The following SEMA3A variants were observed in gnomAD, a reference collection of about 807,000 sequenced individuals.
SEMA3A encodes the protein semaphorin-3A.
In SEMA3A, 29 loss-of-function variants were observed where a neutral mutation model predicts 97.9. The ratio of observed to expected loss-of-function variants is 0.30; its 90% CI spans 0.22 to 0.40. SEMA3A has a LOEUF of 0.40. Among genes scored for constraint, SEMA3A ranks in the 10% least tolerant of loss-of-function variants. SEMA3A has a pLI of 1.00. For synonymous variants in SEMA3A, 321 were observed against 323.7 expected, an observed-to-expected ratio of 0.99 and a Z score of 0.09; for missense variants, 763 against 951.3, an observed-to-expected ratio of 0.80 and a Z score of 2.60.
chr7:84,482,111 A>G (rs1806461840), intron 1 of SEMA3A, among the ~76,000 whole-genome samples: 5 of 148,100 alleles, frequency 3.4e-5, no homozygotes, highest in Admixed American at 1.4e-4. Flanking sequence ...AATTAGGCAA[A>G]ATATCAAATT....
intron 1 of SEMA3A, among the ~76,000 whole-genome samples, chr7:84,487,130 G>A (rs911544899): frequency 6.6e-6 from 1 of 152,098 alleles, no homozygotes; most frequent in African/African-American, 2.4e-5. Flanking sequence ...TTAAAAAAAT[G>A]GGTATTTTAA....
rs1219667656 is a variant in SEMA3A, at chr7:83,958,710, A to G, written c.*2661T>C. 1 of 152,512 alleles carries G rather than the reference A, an allele frequency of 6.6e-6. No individual in the cohort carries two copies. Among genetic ancestry groups the G allele is most frequent in the Non-Finnish European group, 1.5e-5 (1 of 67,958 alleles). The allele number at this position is 152,512 out of a possible 1,614,324, so 9.4% of individuals were successfully genotyped here. A position where few individuals can be genotyped will look rare whatever the true frequency, so the allele number is the denominator to read the frequency against. Reference sequence around the variant, plus strand: ...CTAATGTGTAGGTAGCAAAAATATTAAACACATACCACTGCAAATTACTAA... The same window carrying G: ...CTAATGTGTAGGTAGCAAAAATATTGAACACATACCACTGCAAATTACTAA... On this transcript the variant is annotated 3_prime_UTR_variant, in exon 17 of 17. Transcript: ENST00000265362.
rs538416732 is a variant in SEMA3A, at chr7:84,003,857, T to A, written c.1360+1482A>T. On this transcript the variant is annotated intron_variant, in intron 11 of 16. Coordinates refer to ENST00000265362, the MANE Select transcript of SEMA3A (RefSeq NM_006080.3). ...ACCAGAAATTGATACTTGCAATTCA[T>A]TGCCTTTATGAAACCCTGGGTCTGC... Among the ~76,000 whole-genome samples the A allele has an allele frequency of 1.3e-4, 4 of 31,392 alleles. No homozygotes were observed. In the Admixed American group the frequency reaches 1.4e-3, roughly 11 times the overall value. 20.6% of individuals were successfully genotyped at this position (31,392 alleles called of 152,430 possible).
intron 1 of SEMA3A, among the ~76,000 whole-genome samples, chr7:84,381,718 T>C (rs1447297496): frequency 6.6e-6 from 1 of 152,176 alleles, no homozygotes; most frequent in East Asian, 1.9e-4. Context: ...TAGTCTTTTT[T>C]GTCCAAGCCC....
intron 3 of SEMA3A, among the ~76,000 whole-genome samples, chr7:84,285,799 A>G (rs2214503): frequency 0.71 from 107,389 of 151,506 alleles, 38,261 homozygotes; most frequent in East Asian, 0.79. Flanking sequence ...ACATTAGTGG[A>G]CATGGTGGTG....
intron 12 of SEMA3A, among the ~76,000 whole-genome samples, chr7:83,988,963 CTT>C (rs71522686): frequency 1.4e-5 from 2 of 142,662 alleles, no homozygotes; most frequent in East Asian, 2.1e-4. Flanking sequence ...CGATATTCAG[CTT>C]TTTTAAAAAA....
At chr7:84,192,031 CA>C (rs1339638712) in intron 1 of SEMA3A, among the ~76,000 whole-genome samples, 6 of 151,956 alleles carry the variant, frequency 3.9e-5, no homozygotes, top group Non-Finnish European at 8.8e-5. Flanking sequence ...CAGTGATTGC[CA>C]GAAACTTCAT....
At chr7:84,426,309 TA>T (rs1804828483) in intron 1 of SEMA3A, among the ~76,000 whole-genome samples, 1 of 151,662 alleles carries the variant, frequency 6.6e-6, no homozygotes, top group African/African-American at 2.4e-5. Flanking sequence ...GATAGATAGA[TA>T]GATAGATAGA....
intron 13 of SEMA3A, among the ~76,000 whole-genome samples, chr7:83,983,232 T>A (rs1789497591): frequency 1.3e-5 from 2 of 151,886 alleles, no homozygotes; most frequent in African/African-American, 4.8e-5. Context: ...TTTCTTTCTT[T>A]CTTTCTTTTC....
At chr7:84,365,302 T>G (rs1802819383) in intron 2 of SEMA3A, among the ~76,000 whole-genome samples, 1 of 151,618 alleles carries the variant, frequency 6.6e-6, no homozygotes, top group South Asian at 2.1e-4. Context: ...TTGGAACCAA[T>G]AAAAGATGTT....
At chr7:84,351,670 A>T (rs1438523520) in intron 2 of SEMA3A, among the ~76,000 whole-genome samples, 1 of 152,106 alleles carries the variant, frequency 6.6e-6, no homozygotes, top group Admixed American at 6.6e-5. Context: ...CTAAAATAGG[A>T]TATCATCTCA....
intron 3 of SEMA3A, chr7:84,306,636 T>A (rs2115846377): frequency 6.6e-6 from 1 of 152,142 alleles, no homozygotes; most frequent in East Asian, 1.9e-4. Context: ...AGCATTAAAA[T>A]AAGTAATACA....
intron 1 of SEMA3A, among the ~76,000 whole-genome samples, chr7:84,181,788 A>AT (rs1453513228): frequency 6.6e-6 from 1 of 152,196 alleles, no homozygotes. Context: ...TCACCTTCAC[A>AT]TATCATTTAC....
chr7:84,337,910 TAGG>T (rs1478885944), intron 2 of SEMA3A, among the ~76,000 whole-genome samples: 1 of 152,070 alleles, frequency 6.6e-6, no homozygotes, highest in Admixed American at 6.6e-5. Flanking sequence ...GTGCTATATC[TAGG>T]AGGAGAACAT....
rs1379814722 is a variant in SEMA3A, at chr7:83,960,761, G to A, written c.*610C>T. On this transcript the variant is annotated 3_prime_UTR_variant, in exon 17 of 17. Transcript: ENST00000265362. ...TAAAATACATCTTTAGATCAAAGCT[G>A]AAAGAAGACATCAGTAGTAGATCAG... 1.3e-5 allele frequency: 2 copies of A among 151,372 alleles called. No individual in the cohort carries two copies. The highest frequency in any genetic ancestry group is 2.4e-5 in the African/African-American group (1 of 41,112). 9.4% of individuals were successfully genotyped at this position (151,372 alleles called of 1,614,324 possible).
intron 1 of SEMA3A, among the ~76,000 whole-genome samples, chr7:84,427,930 G>A (rs1804871694): frequency 6.6e-6 from 1 of 151,868 alleles, no homozygotes; most frequent in South Asian, 2.1e-4. Context: ...TGATATAGTA[G>A]GTCTATATCC....
intron 3 of SEMA3A, among the ~76,000 whole-genome samples, chr7:84,299,059 AC>A (rs1256337429): frequency 2.0e-5 from 3 of 151,850 alleles, no homozygotes; most frequent in Non-Finnish European, 4.4e-5. Context: ...TCAGCTACAG[AC>A]TGAAGGTTGC....
chr7:84,100,639 G>A (rs1794933254), intron 4 of SEMA3A, among the ~76,000 whole-genome samples: 1 of 152,058 alleles, frequency 6.6e-6, no homozygotes, highest in Non-Finnish European at 1.5e-5. Context: ...AGCCCTTTGA[G>A]GGATGATATT....
chr7:84,051,016 T>A (rs1272039245), intron 5 of SEMA3A, among the ~76,000 whole-genome samples: 1 of 152,046 alleles, frequency 6.6e-6, no homozygotes, highest in East Asian at 1.9e-4. Context: ...GATCAGATAG[T>A]TGTAGATATG....
Sources: allele counts gnomAD v4.1 joint callset (sites outside exome capture counted in the v4.1 genomes callset), GRCh38; gene constraint gnomAD v4.1.1; transcripts MANE v1.5; gene names NCBI Gene and HGNC (gene_info 2026-07-23, HGNC 2026-07-21).